The following FAM120AOS variants were observed in gnomAD, a reference collection of about 807,000 sequenced individuals.
FAM120AOS encodes family with sequence similarity 120 member A opposite strand, also known as uncharacterized protein FAM120AOS.
In FAM120AOS, 15 loss-of-function variants were observed where a neutral mutation model predicts 20.2. That is an observed-to-expected ratio of 0.74 (90% CI 0.50 to 1.15). The LOEUF is 1.15. FAM120AOS is among the 50% of genes most tolerant of loss of function. The pLI is 0.00. For missense variants in FAM120AOS, 327 were observed against 351.9 expected (o/e 0.93, Z 0.57); for synonymous variants, 154 against 154.0 (o/e 1.00, Z 0.00).
Position 93,450,489 on chromosome 9 carries a change from G to C in FAM120AOS, c.674C>G (p.Pro225Arg). The C allele has an allele frequency of 6.4e-7, 1 of 1,569,218 alleles. No homozygotes were observed. Among genetic ancestry groups the C allele is most frequent in the Non-Finnish European group, 8.6e-7 (1 of 1,161,040 alleles). ...AAAAATCCAACTTGCCTTTTTCACC[G>C]GGAGTATGGGGGCTTCTTTGGCCAA... ...HGLAKEAPIL[P>R]VKKISRSCSV... Residue 225 changes from proline (P) to arginine (R), a missense_variant, in exon 2 of 3, where the codon CCG (proline) becomes CGG (arginine). By Grantham distance (103) the Pro-to-Arg change is moderately radical. Around this residue, in one of 3 missense-constraint regions of FAM120AOS, gnomAD observed 86 missense variants for 82.9 expected, o/e 1.04. Transcript: ENST00000375412.
At chr9:93,449,496 T>TTG (rs1856993967) in intron 2 of FAM120AOS, among the ~76,000 whole-genome samples, 1 of 141,510 alleles carries the variant, frequency 7.1e-6, no homozygotes, top group Non-Finnish European at 1.6e-5. Flanking sequence ...ACTGGCATTT[T>TTG]TTTTTTTTTT....
chr9:93,451,456 C>T lies in FAM120AOS; in HGVS notation c.563+691G>A, dbSNP rs984159987. ...CCGGCCTGAGGCGGGCGAACGGCCT[C>T]TGGCCTCCAGGCGCTGCCTGCTCCG... is the stretch of plus-strand genomic sequence containing the variant. On this transcript the variant is annotated intron_variant, in intron 1 of 2. Transcript: ENST00000375412. 5.3e-5 allele frequency: 62 copies of T among 1,168,274 alleles called. No homozygotes were observed. The Admixed American group carries it at 2.5e-3, about 47-fold the overall frequency. The allele number at this position is 1,168,274 out of a possible 1,614,324, so 72.4% of individuals were successfully genotyped here.
rs916232198 is a variant in FAM120AOS at position 93,445,317 on chromosome 9, G to T, written c.*2294C>A. 2.6e-5 allele frequency among the ~76,000 whole-genome samples: 4 copies of T among 152,082 alleles called. No homozygotes were observed. The highest frequency in any genetic ancestry group is 5.9e-5 in the Non-Finnish European group (4 of 67,998). ...TAAAAAAAAATTGTGTATAGTTTTG[G>T]TGAGATCGTCAATCCAGGAACCTGT... On this transcript the variant is annotated 3_prime_UTR_variant, in exon 3 of 3. Coordinates refer to ENST00000375412, the MANE Select transcript of FAM120AOS (RefSeq NM_198841.4).
intron 1 of FAM120AOS, 195 bp downstream of exon 1, chr9:93,451,952 C>T (rs1857246794): frequency 2.0e-6 from 3 of 1,532,686 alleles, no homozygotes; most frequent in Non-Finnish European, 1.8e-6. Context: ...CATCGAGAAG[C>T]ACTGCCCGAG....
chr9:93,453,049 C>T lies in FAM120AOS; in HGVS notation c.-340G>A. The T allele has an allele frequency of 2.7e-6, 3 of 1,118,752 alleles. No individual in the cohort carries two copies. Among genetic ancestry groups the T allele is most frequent in the Non-Finnish European group, 3.3e-6 (3 of 913,590 alleles). 69.3% of individuals were successfully genotyped at this position (1,118,752 alleles called of 1,614,324 possible). ...GTGTTAGATTTCAAAGACCCGTGCA[C>T]TTTGACAGGATGGGATTTTGTCAGT... On this transcript the variant is annotated 5_prime_UTR_variant, in exon 1 of 3. The change creates a new upstream start codon in the 5' untranslated region. Coordinates refer to ENST00000375412, the MANE Select transcript of FAM120AOS (RefSeq NM_198841.4).
At position 93,452,493 on chromosome 9, in the gene FAM120AOS, A is replaced by G; in HGVS notation, c.217T>C (p.Cys73Arg). ...GCCCGGCCGTGGCGGCGCTGGGGGC[A>G]GCGAGTTCCCCCAGCCCTTGCCCGG... ...LSRARAGGTR[C>R]PQRRHGRATF... Residue 73 changes from cysteine (C) to arginine (R), a missense_variant, in exon 1 of 3, where the codon TGC becomes CGC. Transcript: ENST00000375412. The surrounding 1 kb of genome is among the most constrained non-coding windows in gnomAD (Gnocchi z 7.0). 2 of 1,544,772 alleles carry G rather than the reference A, an allele frequency of 1.3e-6. No individual in the cohort carries two copies. The highest frequency in any genetic ancestry group is 8.7e-7 in the Non-Finnish European group (1 of 1,149,946).
At chr9:93,451,537 G>C (rs952807353) in intron 1 of FAM120AOS, 1 of 989,148 alleles carries the variant, frequency 1.0e-6, no homozygotes, top group East Asian at 1.1e-4. Context: ...CGCCTCCGCC[G>C]CCGCCTCCGG....
Position 93,452,887 on chromosome 9 carries a change from G to A in FAM120AOS, c.-178C>T. 5.5e-6 allele frequency: 8 copies of A among 1,445,758 alleles called. No individual in the cohort carries two copies. Among genetic ancestry groups the A allele is most frequent in the Non-Finnish European group, 6.3e-6 (7 of 1,107,670 alleles). 89.6% of individuals were successfully genotyped at this position (1,445,758 alleles called of 1,614,324 possible). A position where few individuals can be genotyped will look rare whatever the true frequency, so the allele number is the denominator to read the frequency against. ...TGCAAATATCAGTGCTGCTGCCGCC[G>A]CCCTTGCCAATGTTGTTAGCCCGGT... On this transcript the variant is annotated 5_prime_UTR_variant, in exon 1 of 3. Coordinates refer to ENST00000375412, the MANE Select transcript of FAM120AOS (RefSeq NM_198841.4). The surrounding 1 kb of genome is among the most constrained non-coding windows in gnomAD (Gnocchi z 7.0).
chr9:93,449,492 A>T (rs370202837), intron 2 of FAM120AOS, among the ~76,000 whole-genome samples: 33 of 109,494 alleles, frequency 3.0e-4, no homozygotes, highest in East Asian at 8.0e-4. Flanking sequence ...TGGCACTGGC[A>T]TTTTTTTTTT....
chr9:93,451,075 C>T (rs760388520), intron 1 of FAM120AOS: 2 of 1,550,634 alleles, frequency 1.3e-6, no homozygotes, highest in South Asian at 2.4e-5. Context: ...CCCGAAGCTG[C>T]TGGGATGAGC....
chr9:93,444,646 C>T lies in FAM120AOS; in HGVS notation c.*2965G>A, dbSNP rs1856790152. On this transcript the variant is annotated 3_prime_UTR_variant, in exon 3 of 3. Transcript: ENST00000375412. ...TTTTTTTTCCTGAGACGGAGTTTCG[C>T]TCTTGTTGCCCAGGCTGGAGTGCAA... 2.0e-5 allele frequency among the ~76,000 whole-genome samples: 3 copies of T among 150,946 alleles called. No individual in the cohort carries two copies. In the South Asian group the frequency reaches 6.3e-4, roughly 31 times the overall value.
At chr9:93,450,329 T>A (rs921154914) in intron 2 of FAM120AOS, 150 bp downstream of exon 2, 49 of 1,205,242 alleles carry the variant, frequency 4.1e-5, no homozygotes, top group Non-Finnish European at 4.1e-5. Context: ...GCTTTGTGAC[T>A]AATTTTATGC....
At position 93,449,492 on chromosome 9, in the gene FAM120AOS, AT is replaced by A. The variant is rs10667664; in HGVS notation, c.684+986del. Among the ~76,000 whole-genome samples the A allele has an allele frequency of 7.7e-4, 84 of 109,502 alleles. 1 individual carries two copies. The highest frequency in any genetic ancestry group is 1.9e-3 in the African/African-American group (52 of 27,180). 71.8% of individuals were successfully genotyped at this position (109,502 alleles called of 152,430 possible). On this transcript the variant is annotated intron_variant, in intron 2 of 2. Transcript: ENST00000375412. ...CAGAATTCCAGATACTGGCACTGGC[AT>A]TTTTTTTTTTTTTTTTTTTTGAGAT... is the stretch of plus-strand genomic sequence containing the variant.
chr9:93,444,237 T>A lies in FAM120AOS; in HGVS notation c.*3374A>T, dbSNP rs1856778922. On this transcript the variant is annotated 3_prime_UTR_variant, in exon 3 of 3. Coordinates refer to ENST00000375412, the MANE Select transcript of FAM120AOS (RefSeq NM_198841.4). ...GTGTTTTTAGTAGAGACAGGGTTTC[T>A]CCATGTTGGTCAGGCTGGTCTTGAA... is the stretch of plus-strand genomic sequence containing the variant. Among the ~76,000 whole-genome samples, 1 of 152,010 alleles carries A rather than the reference T, an allele frequency of 6.6e-6. No homozygotes were observed. Among genetic ancestry groups the A allele is most frequent in the Non-Finnish European group, 1.5e-5 (1 of 67,986 alleles).
chr9:93,451,428 C>A, intron 1 of FAM120AOS: 1 of 1,303,448 alleles, frequency 7.7e-7, no homozygotes, highest in African/African-American at 1.6e-5. Flanking sequence ...GAGCGGCGGC[C>A]GACCGGCCTG....
chr9:93,447,454 G>A lies in FAM120AOS; in HGVS notation c.*157C>T. 2 of 667,942 alleles carry A rather than the reference G, an allele frequency of 3.0e-6. No individual in the cohort carries two copies. Among genetic ancestry groups the A allele is most frequent in the Admixed American group, 5.6e-5 (2 of 35,806 alleles). 41.4% of individuals were successfully genotyped at this position (667,942 alleles called of 1,614,324 possible). On this transcript the variant is annotated 3_prime_UTR_variant, in exon 3 of 3. Coordinates refer to ENST00000375412, the MANE Select transcript of FAM120AOS (RefSeq NM_198841.4). ...AGATGTGTTAATAAAAGTGGATAAA[G>A]ACCACTCTAGCTTTAAAACACCCTC...
intron 1 of FAM120AOS, chr9:93,451,742 C>T: frequency 1.0e-6 from 1 of 985,228 alleles, no homozygotes; most frequent in Non-Finnish European, 1.2e-6. Context: ...AGACATGGCC[C>T]TGGGAGGCGG....
rs762865832 is a variant in FAM120AOS at position 93,452,699 on chromosome 9, GT to G, written c.10del (p.Thr4LeufsTer87). 85 of 1,598,432 alleles carry G rather than the reference GT, an allele frequency of 5.3e-5. No homozygotes were observed. The highest frequency in any genetic ancestry group is 1.3e-4 in the Admixed American group (8 of 60,002). ...AGTGTCATCATCCCCAATATCCTTA[GT>G]TTTTCCCATCCTATTTGAGGCGGGC... is the stretch of plus-strand genomic sequence containing the variant. MGKTKDIGDDDTVA... is the reference protein window; with the variant it reads MGKXKDIGDDDTVA... On this transcript the variant is annotated frameshift_variant, in exon 1 of 3. Transcript: ENST00000375412. LOFTEE classifies it high-confidence loss of function. The surrounding 1 kb of genome is among the most constrained non-coding windows in gnomAD (Gnocchi z 7.0).
In FAM120AOS at chr9:93,444,615, T is replaced by C. The variant is rs1359805884; in HGVS notation, c.*2996A>G. Among the ~76,000 whole-genome samples the C allele has an allele frequency of 8.5e-6, 1 of 117,806 alleles. No individual in the cohort carries two copies. Among genetic ancestry groups the C allele is most frequent in the South Asian group, 2.4e-4 (1 of 4,138 alleles). 77.3% of individuals were successfully genotyped at this position (117,806 alleles called of 152,430 possible). A position where few individuals can be genotyped will look rare whatever the true frequency, so the allele number is the denominator to read the frequency against. On this transcript the variant is annotated 3_prime_UTR_variant, in exon 3 of 3. Transcript: ENST00000375412. Reference sequence around the variant, plus strand: ...TTTTGAGGCCAGTAAGGAGTTCTGCTTTTTTTTTTTTTTCCTGAGACGGAG... The same window carrying C: ...TTTTGAGGCCAGTAAGGAGTTCTGCCTTTTTTTTTTTTTCCTGAGACGGAG...
Sources: allele counts gnomAD v4.1 joint callset (sites outside exome capture counted in the v4.1 genomes callset), GRCh38; gene constraint gnomAD v4.1.1; regional missense constraint gnomAD v4.1.1; non-coding constraint Gnocchi (gnomAD v3.1); transcripts MANE v1.5; gene names NCBI Gene and HGNC (gene_info 2026-07-23, HGNC 2026-07-21).